The following CPPED1 variants were observed in gnomAD, a reference collection of about 807,000 sequenced individuals.
CPPED1 encodes calcineurin like phosphoesterase domain containing 1.
Under a neutral mutation model 28.0 loss-of-function variants are expected in CPPED1, and 28 were observed. The observed-to-expected ratio is 1.00, with a 90% CI of 0.74 to 1.37. The LOEUF (loss-of-function observed/expected upper bound fraction) is 1.37, where lower values mean the gene tolerates loss of function less well. Among genes scored for constraint, CPPED1 ranks in the 40% most tolerant of loss-of-function variants. CPPED1 has a pLI of 0.00. For synonymous variants in CPPED1, 198 were observed against 180.2 expected (o/e 1.10, Z -0.79); for missense variants, 504 against 416.5 (o/e 1.21, Z -1.83).
chr16:12,721,501 C>T lies in CPPED1; in HGVS notation c.290-16452G>A, dbSNP rs556939531. On this transcript the variant is annotated intron_variant, in intron 2 of 3. Coordinates refer to ENST00000381774, the MANE Select transcript of CPPED1 (RefSeq NM_018340.3). Reference sequence around the variant, plus strand: ...GGCAGGATGGCTTACGCCTGTAATGCCAGCACTTTGGGAGGCTGAGGCAGG... The same window carrying T: ...GGCAGGATGGCTTACGCCTGTAATGTCAGCACTTTGGGAGGCTGAGGCAGG... 5.8e-4 allele frequency among the ~76,000 whole-genome samples: 88 copies of T among 152,212 alleles called. 1 individual carries two copies. Among genetic ancestry groups the T allele is most frequent in the Admixed American group, 9.8e-4 (15 of 15,282 alleles).
chr16:12,777,543 A>G (rs1455257399), intron 2 of CPPED1, among the ~76,000 whole-genome samples: 1 of 152,226 alleles, frequency 6.6e-6, no homozygotes, highest in Non-Finnish European at 1.5e-5. Flanking sequence ...GGAGCTTTAT[A>G]ATAGAATAAA....
At chr16:12,692,004 C>T (rs769361326) in intron 3 of CPPED1, among the ~76,000 whole-genome samples, 3 of 151,956 alleles carry the variant, frequency 2.0e-5, no homozygotes, top group Non-Finnish European at 4.4e-5. Context: ...AAGGCATGCA[C>T]CACCATGCCT....
rs933755541 is a variant in CPPED1 at position 12,670,564 on chromosome 16, A to G, written c.716-5449T>C. Among the ~76,000 whole-genome samples the G allele has an allele frequency of 1.3e-5, 2 of 152,050 alleles. No homozygotes were observed. Among genetic ancestry groups the G allele is most frequent in the African/African-American group, 2.4e-5 (1 of 41,448 alleles). On this transcript the variant is annotated intron_variant, in intron 3 of 3. Coordinates refer to ENST00000381774, the MANE Select transcript of CPPED1 (RefSeq NM_018340.3). The surrounding 1 kb of genome is among the most constrained non-coding windows in gnomAD (Gnocchi z 4.2). ...AGAAACTGGACAAACACCAAAAGCG[A>G]TAAGTCACATGATTAGTATGTGCTC...
intron 3 of CPPED1, among the ~76,000 whole-genome samples, chr16:12,694,732 G>T (rs1274279186): frequency 2.1e-5 from 1 of 46,530 alleles, no homozygotes; most frequent in Non-Finnish European, 3.4e-5. Flanking sequence ...AAAAAAAGGT[G>T]GGGGGGGGGG....
intron 2 of CPPED1, among the ~76,000 whole-genome samples, chr16:12,730,767 G>A (rs1487319132): frequency 6.6e-6 from 1 of 152,178 alleles, no homozygotes; most frequent in Non-Finnish European, 1.5e-5. Context: ...GTGACAGAAC[G>A]TTGACTGACA....
At chr16:12,787,854 T>C (rs2080573665) in intron 1 of CPPED1, among the ~76,000 whole-genome samples, 1 of 152,194 alleles carries the variant, frequency 6.6e-6, no homozygotes, top group African/African-American at 2.4e-5. Flanking sequence ...GAGTCTGGCA[T>C]GGTTTAGCTG....
At chr16:12,775,095 T>C (rs1384535148) in intron 2 of CPPED1, among the ~76,000 whole-genome samples, 3 of 152,094 alleles carry the variant, frequency 2.0e-5, no homozygotes, top group African/African-American at 7.2e-5. Flanking sequence ...GCTGGGATTA[T>C]AGATGTGGGT....
rs112684367 is a variant in CPPED1 at position 12,733,399 on chromosome 16, T to C, written c.290-28350A>G. On this transcript the variant is annotated intron_variant, in intron 2 of 3. Coordinates refer to ENST00000381774, the MANE Select transcript of CPPED1 (RefSeq NM_018340.3). Reference sequence around the variant, plus strand: ...GAGAGATTCTCATGCCTCAGTCTCCTGAGTAGTTAGGATTACAGGCGCCCG... The same window carrying C: ...GAGAGATTCTCATGCCTCAGTCTCCCGAGTAGTTAGGATTACAGGCGCCCG... 8.3e-3 allele frequency among the ~76,000 whole-genome samples: 1,264 copies of C among 151,780 alleles called. 8 individuals are homozygous for C. The highest frequency in any genetic ancestry group is 0.034 in the Middle Eastern group (10 of 294).
intron 2 of CPPED1, among the ~76,000 whole-genome samples, chr16:12,758,124 T>G (rs1475296652): frequency 6.6e-6 from 1 of 152,064 alleles, no homozygotes; most frequent in Non-Finnish European, 1.5e-5. Flanking sequence ...TACCATGCAG[T>G]TGAACACCAT....
chr16:12,714,672 T>A (rs978337871), intron 2 of CPPED1, among the ~76,000 whole-genome samples: 1 of 152,242 alleles, frequency 6.6e-6, no homozygotes, highest in Non-Finnish European at 1.5e-5. Context: ...TTGTAAGAGT[T>A]CTTTACATAT....
At chr16:12,800,804 C>G (rs2080654999) in intron 1 of CPPED1, among the ~76,000 whole-genome samples, 2 of 152,190 alleles carry the variant, frequency 1.3e-5, no homozygotes, top group South Asian at 2.1e-4. Context: ...GACTCTCACA[C>G]TTGCTCTGCC....
chr16:12,740,872 T>TC (rs960655420), intron 2 of CPPED1, among the ~76,000 whole-genome samples: 1 of 152,160 alleles, frequency 6.6e-6, no homozygotes, highest in Non-Finnish European at 1.5e-5. Context: ...CTGCACCATG[T>TC]CCCCTACTGC....
rs199561777 is a variant in CPPED1, at chr16:12,781,287, G to C, written c.187C>G (p.Gln63Glu). The C allele has an allele frequency of 2.5e-4, 404 of 1,614,072 alleles. 2 individuals carry two copies. The African/African-American group carries it at 4.9e-3, about 19-fold the overall frequency. Residue 63 changes from glutamine (Q) to glutamate (E), a missense_variant, in exon 2 of 4, where the codon CAG (glutamine) becomes GAG (glutamate). Coordinates refer to ENST00000381774, the MANE Select transcript of CPPED1 (RefSeq NM_018340.3). ...GCTTGCTCAGTTAGACGGATCTCCT[G>C]TTCCCATTCGTCACCGCCATTGTCA... ...DCDNGGDEWEQEIRLTEQAVQ... is the reference protein window; with the variant it reads ...DCDNGGDEWEEEIRLTEQAVQ...
At position 12,767,278 on chromosome 16, in the gene CPPED1, C is replaced by T. The variant is rs960545012; in HGVS notation, c.289+13907G>A. Reference sequence around the variant, plus strand: ...ATGTCCAGGGGCAGGAGAAGGTAGACGTCTCAGCTCAAACAGGAGGCAAAT... The same window carrying T: ...ATGTCCAGGGGCAGGAGAAGGTAGATGTCTCAGCTCAAACAGGAGGCAAAT... On this transcript the variant is annotated intron_variant, in intron 2 of 3. Coordinates refer to ENST00000381774, the MANE Select transcript of CPPED1 (RefSeq NM_018340.3). Among the ~76,000 whole-genome samples, 7 of 152,130 alleles carry T rather than the reference C, an allele frequency of 4.6e-5. No homozygotes were observed. In the East Asian group the frequency reaches 9.6e-4, roughly 21 times the overall value.
intron 3 of CPPED1, among the ~76,000 whole-genome samples, chr16:12,702,115 G>C (rs1350693717): frequency 6.6e-6 from 1 of 152,144 alleles, no homozygotes; most frequent in East Asian, 1.9e-4. Context: ...TGGAGACACA[G>C]ACCAGCTCTT....
At chr16:12,681,135 C>T (rs538752641) in intron 3 of CPPED1, among the ~76,000 whole-genome samples, 2 of 150,736 alleles carry the variant, frequency 1.3e-5, no homozygotes, top group East Asian at 1.9e-4. Context: ...CGTTTCCCCC[C>T]GTAAAGAATA....
Position 12,781,252 on chromosome 16 carries a change from G to A in CPPED1, c.222C>T (p.Ala74=), listed in dbSNP as rs2080529332. The A allele has an allele frequency of 6.8e-6, 11 of 1,614,028 alleles. No individual in the cohort carries two copies. The African/African-American group carries it at 1.3e-4, about 20-fold the overall frequency. The part of the protein sequence containing the change: ...EIRLTEQAVQ[A]INKLNPKPKF... ...TGGGTTTGGGGTTCAGCTTGTTGAT[G>A]GCCTGGACGGCTTGCTCAGTTAGAC... Residue 74 remains alanine, a synonymous_variant, in exon 2 of 4, where the codon GCC becomes GCT. Coordinates refer to ENST00000381774, the MANE Select transcript of CPPED1 (RefSeq NM_018340.3).
intron 2 of CPPED1, among the ~76,000 whole-genome samples, chr16:12,745,210 C>T (rs903022348): frequency 1.6e-4 from 25 of 152,176 alleles, no homozygotes; most frequent in Non-Finnish European, 2.2e-4. Flanking sequence ...TGAAGAAAGG[C>T]GGGCTGAAAT....
At chr16:12,761,475 T>C (rs1023860356) in intron 2 of CPPED1, among the ~76,000 whole-genome samples, 2 of 152,120 alleles carry the variant, frequency 1.3e-5, no homozygotes, top group South Asian at 2.1e-4. Flanking sequence ...AACAGCAATC[T>C]TTGTGGCTCT....
Sources: gnomAD v4.1 joint callset for allele counts (sites outside exome capture counted in the v4.1 genomes callset) on GRCh38, gnomAD v4.1.1 for gene constraint, Gnocchi (gnomAD v3.1) non-coding constraint, MANE v1.5 for transcripts, NCBI Gene and HGNC (gene_info 2026-07-23, HGNC 2026-07-21) for gene names.